The following DDX10 variants were observed in gnomAD, a reference collection of about 807,000 sequenced individuals.
DDX10 encodes probable ATP-dependent RNA helicase DDX10.
DDX10 carries 74 observed loss-of-function variants against 104.3 expected under a neutral mutation model. That is an observed-to-expected ratio of 0.71 (90% CI 0.59 to 0.86). The LOEUF (loss-of-function observed/expected upper bound fraction) is 0.86. Among genes scored for constraint, DDX10 ranks in the 40% least tolerant of loss-of-function variants. The pLI, the probability that DDX10 is intolerant of heterozygous loss-of-function variation, is 0.00. For missense variants in DDX10, 952 were observed against 1,040.0 expected (o/e 0.92, Z 1.16); for synonymous variants, 351 against 353.4 (o/e 0.99, Z 0.08).
At chr11:108,919,258 G>A (rs1231738469) in intron 17 of DDX10, 1 of 152,062 alleles carries the variant, frequency 6.6e-6, no homozygotes, top group Non-Finnish European at 1.5e-5. Flanking sequence ...TCTAGGTAGT[G>A]GACATCATTG....
chr11:108,729,523 A>G (rs966887418), intron 13 of DDX10, among the ~76,000 whole-genome samples: 1 of 152,110 alleles, frequency 6.6e-6, no homozygotes, highest in African/African-American at 2.4e-5. Context: ...CTGAGCAAAT[A>G]TCCTTTTCTC....
intron 13 of DDX10, among the ~76,000 whole-genome samples, chr11:108,809,261 A>G (rs991567274): frequency 1.3e-5 from 2 of 152,160 alleles, no homozygotes; most frequent in African/African-American, 4.8e-5. Context: ...AGAGGTGAAT[A>G]AGATGTTAAA....
chr11:108,673,581 A>G (rs1366189882), intron 2 of DDX10, 54 bp downstream of exon 2: 1 of 1,311,238 alleles, frequency 7.6e-7, no homozygotes, highest in African/African-American at 1.5e-5. Context: ...CATTTTTGAT[A>G]AATGGGAGAA....
intron 9 of DDX10, among the ~76,000 whole-genome samples, chr11:108,703,619 C>T (rs1015635166): frequency 1.3e-5 from 2 of 152,286 alleles, no homozygotes; most frequent in African/African-American, 2.4e-5. Context: ...TGAGCCACCG[C>T]GCTTGGCCTA....
intron 15 of DDX10, among the ~76,000 whole-genome samples, chr11:108,845,420 A>T (rs1862703107): frequency 6.6e-6 from 1 of 152,120 alleles, no homozygotes; most frequent in Non-Finnish European, 1.5e-5. Flanking sequence ...GACAATTCTT[A>T]GTTCTTTTAG....
intron 16 of DDX10, among the ~76,000 whole-genome samples, chr11:108,884,306 A>G (rs1863265183): frequency 1.3e-5 from 2 of 152,122 alleles, no homozygotes; most frequent in South Asian, 4.1e-4. Context: ...TTCCTTTAAC[A>G]TACCAGGCAC....
intron 16 of DDX10, among the ~76,000 whole-genome samples, chr11:108,898,753 C>A (rs552409232): frequency 6.6e-6 from 1 of 151,842 alleles, no homozygotes; most frequent in Admixed American, 6.6e-5. Context: ...GAAATACTTA[C>A]ACTCTTGCTA....
chr11:108,810,842 A>G (rs190470800), intron 13 of DDX10, among the ~76,000 whole-genome samples: 32 of 152,292 alleles, frequency 2.1e-4, no homozygotes, highest in African/African-American at 7.7e-4. Context: ...AGCACCCAGC[A>G]TGTTGCCTTT....
chr11:108,675,336 T>G (rs1302329122), intron 2 of DDX10, among the ~76,000 whole-genome samples: 1 of 152,198 alleles, frequency 6.6e-6, no homozygotes, highest in Non-Finnish European at 1.5e-5. Context: ...TGGTTTTCCC[T>G]CTGTGCATGT....
In DDX10 at chr11:108,677,256, G is replaced by C. The variant is rs1218965775; in HGVS notation, c.537+13G>C. The C allele has an allele frequency of 6.2e-7, 1 of 1,606,128 alleles. No individual in the cohort carries two copies. Among genetic ancestry groups the C allele is most frequent in the Non-Finnish European group, 8.5e-7 (1 of 1,174,196 alleles). ...CATTGGTGGAAAGGTTTGTCCTTTT[G>C]TCTATGTCCTTCCTTTCCTTCTGTA... is the stretch of plus-strand genomic sequence containing the variant. On this transcript the variant is annotated intron_variant, in intron 4 of 17. Transcript: ENST00000322536.
At chr11:108,936,058 T>C (rs761842889) in intron 17 of DDX10, among the ~76,000 whole-genome samples, 1 of 152,166 alleles carries the variant, frequency 6.6e-6, no homozygotes, top group Non-Finnish European at 1.5e-5. Flanking sequence ...TAAAAAAATA[T>C]TGAAAATAAC....
At chr11:108,833,842 T>C (rs541929814) in intron 13 of DDX10, among the ~76,000 whole-genome samples, 1 of 152,246 alleles carries the variant, frequency 6.6e-6, no homozygotes, top group Non-Finnish European at 1.5e-5. Context: ...TATTGTGTTT[T>C]ATGAACATTT....
At chr11:108,849,900 GA>G (rs778626940) in intron 15 of DDX10, among the ~76,000 whole-genome samples, 3 of 151,956 alleles carry the variant, frequency 2.0e-5, no homozygotes, top group African/African-American at 4.8e-5. Flanking sequence ...ACCGTCTTTA[GA>G]AAATTATTTT....
chr11:108,748,056 A>T (rs983949659), intron 13 of DDX10, among the ~76,000 whole-genome samples: 8 of 152,194 alleles, frequency 5.3e-5, no homozygotes, highest in Non-Finnish European at 1.0e-4. Flanking sequence ...ATAAAATCTA[A>T]GTACTCTAGA....
At chr11:108,900,028 G>A (rs991597887) in intron 16 of DDX10, among the ~76,000 whole-genome samples, 1 of 151,962 alleles carries the variant, frequency 6.6e-6, no homozygotes, top group African/African-American at 2.4e-5. Flanking sequence ...CAAGAGAATC[G>A]CTTGACCCAG....
chr11:108,690,065 G>A (rs542334860), intron 7 of DDX10, among the ~76,000 whole-genome samples: 1 of 149,768 alleles, frequency 6.7e-6, no homozygotes, highest in African/African-American at 2.5e-5. Flanking sequence ...AAAAAAAAAA[G>A]ACTTCAGTTT....
chr11:108,766,338 T>G (rs992219968), intron 13 of DDX10, among the ~76,000 whole-genome samples: 1 of 152,230 alleles, frequency 6.6e-6, no homozygotes, highest in African/African-American at 2.4e-5. Context: ...GTTTCTGTCT[T>G]AATTGTCATC....
chr11:108,880,991 A>C (rs1449032257), intron 16 of DDX10, among the ~76,000 whole-genome samples: 1 of 152,208 alleles, frequency 6.6e-6, no homozygotes, highest in Non-Finnish European at 1.5e-5. Context: ...ATATTTATAG[A>C]CAGACTCTTA....
intron 13 of DDX10, among the ~76,000 whole-genome samples, chr11:108,776,172 T>A (rs1225785320): frequency 4.6e-5 from 7 of 152,168 alleles, no homozygotes; most frequent in Non-Finnish European, 1.0e-4. Flanking sequence ...CCATCAAAGC[T>A]CTTCTAATTT....
Sources: allele counts gnomAD v4.1 joint callset (sites outside exome capture counted in the v4.1 genomes callset), GRCh38; gene constraint gnomAD v4.1.1; transcripts MANE v1.5; gene names NCBI Gene and HGNC (gene_info 2026-07-23, HGNC 2026-07-21).